Variants in SCP2 observed in about 807,000 individuals in gnomAD.
SCP2 encodes the protein sterol carrier protein 2.
In SCP2, 48 loss-of-function variants were observed where a neutral mutation model predicts 71.4. The observed-to-expected ratio is 0.67, with a 90% confidence interval of 0.53 to 0.86. The LOEUF (loss-of-function observed/expected upper bound fraction) is 0.86. Among genes scored for constraint, SCP2 ranks in the 40% least tolerant of loss-of-function variants. SCP2 has a pLI of 0.00. For synonymous variants in SCP2, 220 were observed against 218.1 expected (o/e 1.01, Z -0.08); for missense variants, 560 against 655.6 (o/e 0.85, Z 1.59).
At chr1:53,006,536 A>T (rs1326598249) in intron 11 of SCP2, among the ~76,000 whole-genome samples, 1 of 152,342 alleles carries the variant, frequency 6.6e-6, no homozygotes, top group East Asian at 1.9e-4. Context: ...ACTAAGCTTC[A>T]TAAGTGAAGG....
At chr1:52,927,510 G>C in intron 1 of SCP2, 45 bp downstream of exon 1, 5 of 1,446,994 alleles carry the variant, frequency 3.5e-6, no homozygotes, top group South Asian at 1.2e-5. Flanking sequence ...GCTCGGGGGC[G>C]GTCGGTGCCT....
chr1:53,040,707 C>A (rs987981507), intron 14 of SCP2, among the ~76,000 whole-genome samples: 17 of 151,998 alleles, frequency 1.1e-4, no homozygotes, highest in Non-Finnish European at 1.2e-4. Flanking sequence ...GGCGACAGAG[C>A]GAGACTCCGT....
intron 5 of SCP2, among the ~76,000 whole-genome samples, chr1:52,959,198 A>AT (rs78875186): frequency 4.0e-4 from 59 of 146,940 alleles, no homozygotes; most frequent in Middle Eastern, 3.5e-3. Flanking sequence ...TTTAAAAAAA[A>AT]TTTTTTTTTT....
intron 13 of SCP2, among the ~76,000 whole-genome samples, chr1:53,034,872 G>A (rs1178363098): frequency 1.3e-5 from 2 of 152,132 alleles, no homozygotes; most frequent in Non-Finnish European, 2.9e-5. Context: ...TTGGGAGGCC[G>A]AGGCAGGCGG....
At chr1:52,928,391 T>C (rs1296254064) in intron 1 of SCP2, among the ~76,000 whole-genome samples, 1 of 152,226 alleles carries the variant, frequency 6.6e-6, no homozygotes, top group Non-Finnish European at 1.5e-5. Context: ...TGGATATGCT[T>C]TGTGAAAGAG....
chr1:53,037,950 T>TACACACAC (rs67763248), intron 13 of SCP2, among the ~76,000 whole-genome samples: 7 of 120,362 alleles, frequency 5.8e-5, no homozygotes, highest in Non-Finnish European at 1.2e-4. Flanking sequence ...CCTGTCTCTA[T>TACACACAC]ACACACACAC....
intron 2 of SCP2, among the ~76,000 whole-genome samples, chr1:52,946,072 A>G (rs1380972633): frequency 6.8e-6 from 1 of 146,078 alleles, no homozygotes; most frequent in African/African-American, 2.6e-5. Context: ...GGGACCACAG[A>G]CGCACACCAC....
intron 11 of SCP2, among the ~76,000 whole-genome samples, chr1:53,008,717 C>T (rs1660794108): frequency 6.6e-6 from 1 of 152,156 alleles, no homozygotes; most frequent in South Asian, 2.1e-4. Context: ...TGCAAACTGG[C>T]ACAAGACAGG....
chr1:53,033,162 C>A (rs1238689400), intron 13 of SCP2, among the ~76,000 whole-genome samples: 1 of 152,138 alleles, frequency 6.6e-6, no homozygotes, highest in African/African-American at 2.4e-5. Flanking sequence ...TAGTCCCTGA[C>A]TAAATATTTT....
intron 13 of SCP2, among the ~76,000 whole-genome samples, chr1:53,035,107 A>G (rs1662834650): frequency 6.8e-6 from 1 of 146,222 alleles, no homozygotes; most frequent in Non-Finnish European, 1.5e-5. Context: ...CTCTGTCTCA[A>G]AGAAAAAAAA....
chr1:53,025,647 T>C (rs540645719), intron 12 of SCP2, among the ~76,000 whole-genome samples: 1 of 152,272 alleles, frequency 6.6e-6, no homozygotes, highest in East Asian at 1.9e-4. Flanking sequence ...TCTATTTCTA[T>C]TTTGAATCTA....
intron 11 of SCP2, among the ~76,000 whole-genome samples, chr1:53,014,527 C>A (rs1176510340): frequency 1.3e-5 from 2 of 152,098 alleles, no homozygotes; most frequent in East Asian, 3.9e-4. Flanking sequence ...GAAAAATTTC[C>A]CATACCAGCT....
At chr1:52,963,733 C>T (rs1483240648) in intron 6 of SCP2, 1 of 152,150 alleles carries the variant, frequency 6.6e-6, no homozygotes, top group Non-Finnish European at 1.5e-5. Context: ...AAGTGTATGC[C>T]TATTTTTCAT....
At chr1:52,942,694 GTTTTT>G (rs147939561) in intron 2 of SCP2, among the ~76,000 whole-genome samples, 4,187 of 120,568 alleles carry the variant, frequency 0.035, 128 homozygotes, top group African/African-American at 0.11. Context: ...AATTTAACAG[GTTTTT>G]TTTTTTTTTT....
chr1:52,998,535 G>A (rs571109504), intron 11 of SCP2, among the ~76,000 whole-genome samples: 3 of 152,158 alleles, frequency 2.0e-5, no homozygotes, highest in African/African-American at 7.2e-5. Context: ...GTTTGAGACC[G>A]GCCTGGGCAA....
chr1:53,033,604 CA>C (rs59576285), intron 13 of SCP2, among the ~76,000 whole-genome samples: 6,240 of 79,656 alleles, frequency 0.078, 258 homozygotes, highest in African/African-American at 0.19. Context: ...AACTCCATTT[CA>C]AAAAAAAAAA....
At chr1:52,932,688 G>A (rs893631217) in intron 1 of SCP2, among the ~76,000 whole-genome samples, 1 of 152,148 alleles carries the variant, frequency 6.6e-6, no homozygotes, top group Non-Finnish European at 1.5e-5. Flanking sequence ...TTAGAGGTGA[G>A]TATATTAGAG....
chr1:53,014,784 G>C, intron 11 of SCP2, 106 bp from the exon 12 acceptor site: 1 of 1,251,926 alleles, frequency 8.0e-7, no homozygotes, highest in Non-Finnish European at 1.1e-6. Context: ...TTACACAAAC[G>C]TGGCCTCGGC....
intron 11 of SCP2, among the ~76,000 whole-genome samples, chr1:53,008,590 T>C (rs947220141): frequency 1.3e-5 from 2 of 152,172 alleles, no homozygotes; most frequent in Non-Finnish European, 2.9e-5. Flanking sequence ...CCCATCATGC[T>C]AAAAACTCTC....
Sources: gnomAD v4.1 joint callset for allele counts (sites outside exome capture counted in the v4.1 genomes callset) on GRCh38, gnomAD v4.1.1 for gene constraint, MANE v1.5 for transcripts, NCBI Gene and HGNC (gene_info 2026-07-23, HGNC 2026-07-21) for gene names.